The following DIAPH3 variants were observed in gnomAD, a reference collection of about 807,000 sequenced individuals.
The protein encoded by DIAPH3 is protein diaphanous homolog 3.
DIAPH3 carries 117 observed loss-of-function variants against 144.3 expected under a neutral mutation model. That is an observed-to-expected ratio of 0.81 (90% CI 0.70 to 0.95). DIAPH3 has a LOEUF of 0.95. Among genes scored for constraint, DIAPH3 ranks in the 40% least tolerant of loss-of-function variants. DIAPH3 has a pLI of 0.00. For missense variants in DIAPH3, 1,421 were observed against 1,412.7 expected, an observed-to-expected ratio of 1.01 and a Z score of -0.09; for synonymous variants, 519 against 488.9, an observed-to-expected ratio of 1.06 and a Z score of -0.81.
chr13:60,084,007 CAGATAGAT>C (rs71089524), intron 4 of DIAPH3, among the ~76,000 whole-genome samples: 12,482 of 136,136 alleles, frequency 0.092, 598 homozygotes, highest in East Asian at 0.19. Flanking sequence ...GATAGATAGA[CAGATAGAT>C]AGATAGATAG....
intron 3 of DIAPH3, among the ~76,000 whole-genome samples, chr13:60,094,324 T>C (rs2058042627): frequency 6.6e-6 from 1 of 152,200 alleles, no homozygotes; most frequent in Non-Finnish European, 1.5e-5. Flanking sequence ...AGCTACCACC[T>C]AAAATCGAAC....
At chr13:60,138,818 A>AGGGGGAAGAGGG (rs2059360455) in intron 1 of DIAPH3, among the ~76,000 whole-genome samples, 1 of 105,324 alleles carries the variant, frequency 9.5e-6, no homozygotes, top group Non-Finnish European at 2.1e-5. Context: ...GGAAGAGGGA[A>AGGGGGAAGAGGG]GAGGGGAGGG....
intron 27 of DIAPH3, among the ~76,000 whole-genome samples, chr13:59,765,372 T>C (rs1034803725): frequency 6.6e-6 from 1 of 152,204 alleles, no homozygotes; most frequent in Non-Finnish European, 1.5e-5. Context: ...ATTTTGAATT[T>C]ATTGAGTAGC....
chr13:60,044,865 T>TA (rs2055953350), intron 4 of DIAPH3, among the ~76,000 whole-genome samples: 1 of 152,128 alleles, frequency 6.6e-6, no homozygotes, highest in South Asian at 2.1e-4. Flanking sequence ...GTCCTCATGA[T>TA]AGTCAGTGAG....
At chr13:59,875,402 A>G (rs765681780) in intron 21 of DIAPH3, among the ~76,000 whole-genome samples, 22 of 152,170 alleles carry the variant, frequency 1.4e-4, no homozygotes, top group Non-Finnish European at 3.1e-4. Context: ...AAGTAGCATT[A>G]CTGTGACTGA....
At chr13:59,967,181 C>T (rs779216051) in intron 17 of DIAPH3, among the ~76,000 whole-genome samples, 1 of 152,078 alleles carries the variant, frequency 6.6e-6, no homozygotes, top group Non-Finnish European at 1.5e-5. Flanking sequence ...ATTCTCATGC[C>T]TCAGCCTCCG....
chr13:59,744,083 A>G (rs2036592823), intron 27 of DIAPH3, among the ~76,000 whole-genome samples: 1 of 152,182 alleles, frequency 6.6e-6, no homozygotes, highest in Admixed American at 6.5e-5. Context: ...ACATATGTTC[A>G]TTTTGAGAAA....
chr13:60,054,060 A>T (rs1000537705), intron 4 of DIAPH3, among the ~76,000 whole-genome samples: 6 of 152,052 alleles, frequency 3.9e-5, no homozygotes, highest in Admixed American at 1.3e-4. Context: ...ATCACTGTAG[A>T]CTGTTTTCCA....
At chr13:59,853,297 T>C (rs1035434834) in intron 22 of DIAPH3, among the ~76,000 whole-genome samples, 5 of 152,134 alleles carry the variant, frequency 3.3e-5, no homozygotes, top group African/African-American at 1.2e-4. Flanking sequence ...GGCCTATCAA[T>C]AAAAAAATTC....
chr13:59,755,684 AC>A (rs2037219399), intron 27 of DIAPH3, among the ~76,000 whole-genome samples: 1 of 152,168 alleles, frequency 6.6e-6, no homozygotes, highest in Non-Finnish European at 1.5e-5. Flanking sequence ...CACTGAAATC[AC>A]AAAGAGAGTT....
chr13:59,795,429 G>T (rs906380037), intron 25 of DIAPH3, among the ~76,000 whole-genome samples: 7 of 151,168 alleles, frequency 4.6e-5, no homozygotes, highest in African/African-American at 1.7e-4. Context: ...CTGTCCCAGG[G>T]AATTTAGGTA....
At chr13:60,013,229 C>T (rs992675704) in intron 7 of DIAPH3, 3 of 984,738 alleles carry the variant, frequency 3.0e-6, no homozygotes, top group Non-Finnish European at 3.6e-6. Flanking sequence ...CCACATGAGG[C>T]CTATTATTAG....
intron 16 of DIAPH3, 56 bp from the exon 17 acceptor site, chr13:59,970,114 G>C: frequency 9.9e-7 from 1 of 1,008,588 alleles, no homozygotes; most frequent in Non-Finnish European, 1.5e-6. Context: ...CCTGTCCCAA[G>C]TCAAGCACTA....
chr13:60,078,264 G>A (rs1047510137), intron 4 of DIAPH3, among the ~76,000 whole-genome samples: 1 of 152,042 alleles, frequency 6.6e-6, no homozygotes. Context: ...AACTCAATAG[G>A]CAAAAAGGGT....
chr13:60,073,659 G>C (rs1008693293), intron 4 of DIAPH3, among the ~76,000 whole-genome samples: 2 of 151,976 alleles, frequency 1.3e-5, no homozygotes, highest in Non-Finnish European at 2.9e-5. Context: ...GTAACACATA[G>C]GTAAATGCTT....
chr13:59,737,140 T>G (rs149052384), intron 27 of DIAPH3, among the ~76,000 whole-genome samples: 1 of 152,020 alleles, frequency 6.6e-6, no homozygotes, highest in African/African-American at 2.4e-5. Flanking sequence ...ACAAAAACAA[T>G]TGACAAATGG....
chr13:59,812,284 C>G (rs1451439931), intron 24 of DIAPH3, among the ~76,000 whole-genome samples: 1 of 151,632 alleles, frequency 6.6e-6, no homozygotes, highest in Non-Finnish European at 1.5e-5. Flanking sequence ...ATCCATCCAT[C>G]CATCCATCCA....
In DIAPH3 at chr13:60,093,636, A is replaced by T. The variant is rs1249077388; in HGVS notation, c.487T>A (p.Ser163Thr). ...EMVMQYINTASKTGSLKRSRQ... is the reference protein window; with the variant it reads ...EMVMQYINTATKTGSLKRSRQ... Reference sequence around the variant, plus strand: ...TTGACAGTTTTACTTACTGTCTTAGAAGCAGTATTAATGTACTGCATCACC... The same window carrying T: ...TTGACAGTTTTACTTACTGTCTTAGTAGCAGTATTAATGTACTGCATCACC... Residue 163 changes from serine to threonine, a missense_variant, in exon 4 of 28, where the codon TCT (serine) becomes ACT (threonine). Ser to Thr is a moderately conservative substitution (Grantham distance 58, BLOSUM62 1). Transcript: ENST00000400324. The T allele has an allele frequency of 1.2e-6, 2 of 1,604,888 alleles. No homozygotes were observed. The highest frequency in any genetic ancestry group is 2.2e-5 in the South Asian group (2 of 90,854).
intron 4 of DIAPH3, among the ~76,000 whole-genome samples, chr13:60,078,525 T>A (rs2057449212): frequency 6.6e-6 from 1 of 151,990 alleles, no homozygotes; most frequent in Admixed American, 6.6e-5. Context: ...CAGGAAAGAA[T>A]AGAATGGGTC....
Sources: allele counts gnomAD v4.1 joint callset (sites outside exome capture counted in the v4.1 genomes callset), GRCh38; gene constraint gnomAD v4.1.1; transcripts MANE v1.5; gene names NCBI Gene and HGNC (gene_info 2026-07-23, HGNC 2026-07-21).